GNAS-AS1: variants seen among roughly 807,000 people sequenced by gnomAD.
GNAS-AS1 encodes the protein GNAS antisense RNA 1.
At chr20:58,849,125 G>C (rs185441377) in intron 1 of GNAS-AS1, among the ~76,000 whole-genome samples, 1 of 152,246 alleles carries the variant, frequency 6.6e-6, no homozygotes, top group Admixed American at 6.5e-5. Context: ...ATTTTTGGTT[G>C]TTAAAACTAA....
At chr20:58,819,291 G>C (rs1217475553) in intron 4 of GNAS-AS1, 3 of 398,378 alleles carry the variant, frequency 7.5e-6, no homozygotes, top group Non-Finnish European at 8.8e-6. Flanking sequence ...AAAACAAAGA[G>C]AAAAACAGGG....
At chr20:58,848,071 G>A (rs142804268) in intron 2 of GNAS-AS1, among the ~76,000 whole-genome samples, 166 of 152,278 alleles carry the variant, frequency 1.1e-3, no homozygotes, top group African/African-American at 3.8e-3. Context: ...TTTTCAAAAC[G>A]CCACTGTTTG....
intron 4 of GNAS-AS1, among the ~76,000 whole-genome samples, chr20:58,820,557 C>T (rs2085479062): frequency 6.6e-6 from 1 of 152,232 alleles, no homozygotes; most frequent in African/African-American, 2.4e-5. Flanking sequence ...GCAGCCTCTC[C>T]CAGATGGACC....
At chr20:58,830,437 TCATTACCACCACCAC>T (rs2085553556) in intron 4 of GNAS-AS1, among the ~76,000 whole-genome samples, 1 of 53,368 alleles carries the variant, frequency 1.9e-5, no homozygotes, top group African/African-American at 7.6e-5. Context: ...CACACCACCA[TCATTACCACCACCAC>T]CATCACCACC....
intron 4 of GNAS-AS1, among the ~76,000 whole-genome samples, chr20:58,830,002 A>G (rs1046748313): frequency 6.6e-6 from 1 of 152,116 alleles, no homozygotes. Flanking sequence ...AGAATCCACT[A>G]AAAGAGAACT....
chr20:58,828,855 ACCGCC>A (rs1338282150), intron 4 of GNAS-AS1, among the ~76,000 whole-genome samples: 14 of 129,698 alleles, frequency 1.1e-4, no homozygotes, highest in African/African-American at 4.2e-4. Context: ...TCCTGGCCCC[ACCGCC>A]CCACTCAACA....
chr20:58,827,516 G>A (rs1471973981), intron 4 of GNAS-AS1, among the ~76,000 whole-genome samples: 1 of 152,244 alleles, frequency 6.6e-6, no homozygotes, highest in Non-Finnish European at 1.5e-5. Flanking sequence ...ACATGGAGGT[G>A]TGTACTACGA....
rs1001161762 is a variant in GNAS-AS1 at position 58,850,839 on chromosome 20, G to GC, written n.64dup. On this transcript the variant is annotated non_coding_transcript_exon_variant, in exon 1 of 5. Coordinates refer to ENST00000424094, the Ensembl canonical transcript of GNAS-AS1. ...TTCCAGGCCTAGCCGCCATACACCC[G>GC]CCCCCCACCGGCTTCCAACCACCCC... 1.5e-4 allele frequency: 58 copies of GC among 398,676 alleles called. No homozygotes were observed. The East Asian group carries it at 1.6e-3, about 11-fold the overall frequency. The allele number at this position is 398,676 out of a possible 1,614,324, so 24.7% of individuals were successfully genotyped here.
chr20:58,849,344 A>G (rs1490674790), intron 1 of GNAS-AS1, among the ~76,000 whole-genome samples: 1 of 151,830 alleles, frequency 6.6e-6, no homozygotes, highest in Non-Finnish European at 1.5e-5. Flanking sequence ...AGTCCTCCCT[A>G]CTCACTCCTG....
chr20:58,841,299 A>G lies in GNAS-AS1; in HGVS notation n.819+638T>C, dbSNP rs377556234. Reference sequence around the variant, plus strand: ...ATAAGTTGGCCTTCTCAGGTGTCCAAAATGTGGTTCGGAGGTGCGCGCGCC... The same window carrying G: ...ATAAGTTGGCCTTCTCAGGTGTCCAGAATGTGGTTCGGAGGTGCGCGCGCC... On this transcript the variant is annotated intron_variant and non_coding_transcript_variant, in intron 4 of 4. Transcript: ENST00000424094. This position sits in a 1 kb window ranked among gnomAD's most constrained non-coding sequence, Gnocchi z 5.0. The G allele has an allele frequency of 5.9e-5, 63 of 1,067,046 alleles. No individual in the cohort carries two copies. In the African/African-American group the frequency reaches 9.4e-4, roughly 16 times the overall value. 66.1% of individuals were successfully genotyped at this position (1,067,046 alleles called of 1,614,324 possible).
intron 4 of GNAS-AS1, chr20:58,826,869 T>TTTTTTTTTTTTTTTTG: frequency 7.1e-6 from 1 of 141,698 alleles, no homozygotes; most frequent in African/African-American, 2.6e-5. Context: ...CTGGCTTTTT[T>TTTTTTTTTTTTTTTTG]TTTTTTTTTT....
In GNAS-AS1 at chr20:58,840,891, G is replaced by C; in HGVS notation, n.819+1046C>G. On this transcript the variant is annotated intron_variant and non_coding_transcript_variant, in intron 4 of 4. Coordinates refer to ENST00000424094, the Ensembl canonical transcript of GNAS-AS1. The surrounding 1 kb of genome is among the most constrained non-coding windows in gnomAD (Gnocchi z 6.0). ...TCCTTGTTTTCATGGATTCAGGTTAGTTGCCCACCGCTAAACTGGGGAGCC... is the reference window on the plus strand; with the variant it reads ...TCCTTGTTTTCATGGATTCAGGTTACTTGCCCACCGCTAAACTGGGGAGCC... The C allele has an allele frequency of 1.2e-6, 2 of 1,612,474 alleles. No homozygotes were observed. The highest frequency in any genetic ancestry group is 1.7e-6 in the Non-Finnish European group (2 of 1,179,838).
intron 4 of GNAS-AS1, among the ~76,000 whole-genome samples, chr20:58,823,446 GGTCAAGGT>G (rs1265261474): frequency 5.3e-5 from 8 of 152,356 alleles, no homozygotes; most frequent in Admixed American, 4.6e-4. Context: ...TGGAGAGGCA[GGTCAAGGT>G]GTGGCCATCT....
In GNAS-AS1 at chr20:58,841,477, C is replaced by T; in HGVS notation, n.819+460G>A. ...GCCTAAGCAGCTCAGAGCCGGAGCC[C>T]AGGTCCCAGAGCTGACAATTAAGCC... On this transcript the variant is annotated intron_variant and non_coding_transcript_variant, in intron 4 of 4. Transcript: ENST00000424094. This position sits in a 1 kb window ranked among gnomAD's most constrained non-coding sequence, Gnocchi z 5.0. 1.0e-6 allele frequency: 1 copy of T among 991,772 alleles called. No homozygotes were observed. The highest frequency in any genetic ancestry group is 1.2e-6 in the Non-Finnish European group (1 of 834,288). The allele number at this position is 991,772 out of a possible 1,614,324, so 61.4% of individuals were successfully genotyped here.
At chr20:58,824,348 CAACA>C (rs1363506037) in intron 4 of GNAS-AS1, among the ~76,000 whole-genome samples, 2 of 152,208 alleles carry the variant, frequency 1.3e-5, no homozygotes, top group Non-Finnish European at 2.9e-5. Flanking sequence ...AAAAATTGTT[CAACA>C]AATATTTACT....
chr20:58,825,963 C>G (rs2085517155), intron 4 of GNAS-AS1: 1 of 397,780 alleles, frequency 2.5e-6, no homozygotes, highest in Non-Finnish European at 4.4e-6. Context: ...CAATCAGCAG[C>G]CCCAAGAAAG....
rs575623277 is a variant in GNAS-AS1, at chr20:58,841,970, C to A, written n.786G>T. 11 of 1,084,570 alleles carry A rather than the reference C, an allele frequency of 1.0e-5. No homozygotes were observed. The highest frequency in any genetic ancestry group is 1.2e-5 in the Non-Finnish European group (10 of 853,486). 67.2% of individuals were successfully genotyped at this position (1,084,570 alleles called of 1,614,324 possible). On this transcript the variant is annotated non_coding_transcript_exon_variant, in exon 4 of 5. Coordinates refer to ENST00000424094, the Ensembl canonical transcript of GNAS-AS1. This position sits in a 1 kb window ranked among gnomAD's most constrained non-coding sequence, Gnocchi z 5.0. The stretch of plus-strand genomic sequence containing the variant: ...TCCAAAGAGCGCGGTACGCGCAGAG[C>A]TGGGGAAAGGTGTTGGATCCGGCGC...
exon 1 of GNAS-AS1, chr20:58,850,565 C>T: frequency 2.5e-6 from 1 of 398,918 alleles, no homozygotes; most frequent in Non-Finnish European, 4.4e-6. Context: ...CCTGGGGCCT[C>T]AACTCCTTAT....
rs1441355953 is a variant in GNAS-AS1 at position 58,828,892 on chromosome 20, C to T, written n.820-9637G>A. The stretch of plus-strand genomic sequence containing the variant: ...AACATGGCAGAGCTCCTGGCCCCAC[C>T]GCCCCACTCAACATGGCAGAGCTCC... On this transcript the variant is annotated intron_variant and non_coding_transcript_variant, in intron 4 of 4. Transcript: ENST00000424094. 3.0e-5 allele frequency among the ~76,000 whole-genome samples: 4 copies of T among 134,132 alleles called. No individual in the cohort carries two copies. In the South Asian group the frequency reaches 8.2e-4, roughly 27 times the overall value. The allele number at this position is 134,132 out of a possible 152,430, so 88.0% of individuals were successfully genotyped here. A position where few individuals can be genotyped will look rare whatever the true frequency, so the allele number is the denominator to read the frequency against.
Sources: gnomAD v4.1 joint callset for allele counts (sites outside exome capture counted in the v4.1 genomes callset) on GRCh38, gnomAD v4.1.1 for gene constraint, Gnocchi (gnomAD v3.1) non-coding constraint, MANE v1.5 for transcripts, NCBI Gene and HGNC (gene_info 2026-07-23, HGNC 2026-07-21) for gene names.